PTPRCAP: variants seen among roughly 807,000 people sequenced by gnomAD.
The protein encoded by PTPRCAP is protein tyrosine phosphatase receptor type C-associated protein.
For missense variants in PTPRCAP, 294 were observed against 285.5 expected (o/e 1.03, Z -0.22); for synonymous variants, 136 against 135.8 (o/e 1.00, Z -0.01).
chr11:67,437,486 C>A, intron 1 of PTPRCAP, 131 bp downstream of exon 1: 2 of 1,106,540 alleles, frequency 1.8e-6, no homozygotes, highest in Non-Finnish European at 2.4e-6. Context: ...CAGCCTCTGC[C>A]ATACTCCTCT....
chr11:67,436,862 C>G (rs954635203), intron 1 of PTPRCAP: 1 of 154,046 alleles, frequency 6.5e-6, no homozygotes, highest in African/African-American at 2.4e-5. Flanking sequence ...CCACAATAAG[C>G]TGCTAGGAAA....
chr11:67,435,985 C>G lies in PTPRCAP; in HGVS notation c.369G>C (p.Leu123=), dbSNP rs1339711244. 3.1e-6 allele frequency: 5 copies of G among 1,613,662 alleles called. No individual in the cohort carries two copies. In the African/African-American group the frequency reaches 6.7e-5, roughly 22 times the overall value. ...GCTCGCCTTCCCCAGGGTCAGCCTG[C>G]AGGCCACCATCCGCGACGTGGTCAT... is the stretch of plus-strand genomic sequence containing the variant. ...TDYDHVADGG[L]QADPGEGEQQ... is the part of the protein sequence containing the mutation. Residue 123 remains leucine, a synonymous_variant, in exon 2 of 2, where the codon CTG becomes CTC. Transcript: ENST00000326294.
chr11:67,436,273 G>A lies in PTPRCAP; in HGVS notation c.81C>T (p.Asp27=). The change falls in exon 2 of 2, where the codon GAC becomes GAT. Residue 27 remains aspartate, a synonymous_variant. Coordinates refer to ENST00000326294, the MANE Select transcript of PTPRCAP (RefSeq NM_005608.3). The part of the protein sequence containing the change: ...GALGSGGSAE[D]SVGSSSVTVV... Reference sequence around the variant, plus strand: ...CGGTGACAGAGCTGGAGCCCACGCTGTCCTCCGCGCTGCCACCCGAGCCCA... The same window carrying A: ...CGGTGACAGAGCTGGAGCCCACGCTATCCTCCGCGCTGCCACCCGAGCCCA... The A allele has an allele frequency of 6.5e-7, 1 of 1,542,192 alleles. No homozygotes were observed. Among genetic ancestry groups the A allele is most frequent in the Non-Finnish European group, 8.7e-7 (1 of 1,148,198 alleles).
chr11:67,437,252 C>CAGA, intron 1 of PTPRCAP: 1 of 222,008 alleles, frequency 4.5e-6, no homozygotes, highest in East Asian at 8.8e-5. Context: ...AGTCTGCGGT[C>CAGA]GGAACAGGCT....
intron 1 of PTPRCAP, chr11:67,436,886 G>C (rs1864295437): frequency 6.5e-6 from 1 of 153,404 alleles, no homozygotes; most frequent in Admixed American, 6.5e-5. Flanking sequence ...GGGCTTTTTG[G>C]GTCAAGCATG....
intron 1 of PTPRCAP, chr11:67,436,644 C>T (rs919038817): frequency 1.2e-5 from 4 of 346,002 alleles, no homozygotes; most frequent in African/African-American, 6.4e-5. Flanking sequence ...CACCTCCTCC[C>T]ATCCTCCCCT....
chr11:67,435,989 C>A lies in PTPRCAP; in HGVS notation c.365G>T (p.Gly122Val), dbSNP rs1310207520. ...GCCTTCCCCAGGGTCAGCCTGCAGG[C>A]CACCATCCGCGACGTGGTCATAGTC... Reference protein sequence around the residue: ...DTDYDHVADGGLQADPGEGEQ... With the variant: ...DTDYDHVADGVLQADPGEGEQ... The change falls in exon 2 of 2, where the codon GGC (glycine) becomes GTC (valine). Residue 122 changes from glycine to valine, a missense_variant. Physicochemically the swap from Gly to Val is moderately radical, Grantham distance 109 (BLOSUM62 -3). Transcript: ENST00000326294. 1 of 1,613,768 alleles carries A rather than the reference C, an allele frequency of 6.2e-7. No homozygotes were observed. The highest frequency in any genetic ancestry group is 8.5e-7 in the Non-Finnish European group (1 of 1,179,932).
chr11:67,436,474 C>T (rs1249318025), intron 1 of PTPRCAP, 124 bp from the exon 2 acceptor site: 2 of 1,152,214 alleles, frequency 1.7e-6, no homozygotes, highest in Non-Finnish European at 2.3e-6. Flanking sequence ...GACAGCCAAG[C>T]AGAAAAGGCC....
chr11:67,437,190 C>G (rs1367546362), intron 1 of PTPRCAP: 1 of 162,372 alleles, frequency 6.2e-6, no homozygotes, highest in South Asian at 2.0e-4. Flanking sequence ...CACAGGCGTG[C>G]AGGGCCGGGG....
chr11:67,436,712 C>G (rs1228710345), intron 1 of PTPRCAP: 3 of 247,174 alleles, frequency 1.2e-5, no homozygotes, highest in Admixed American at 5.0e-5. Context: ...GAGGCTGAAC[C>G]TGACCTTAAC....
Position 67,435,613 on chromosome 11 carries a change from G to A in PTPRCAP, c.*120C>T. On this transcript the variant is annotated 3_prime_UTR_variant, in exon 2 of 2. Coordinates refer to ENST00000326294, the MANE Select transcript of PTPRCAP (RefSeq NM_005608.3). ...TACACATGGACTTGGGAACTGGTAG[G>A]GGGTGACAGTCTGAGGCATGGTCAT... is the stretch of plus-strand genomic sequence containing the variant. The A allele has an allele frequency of 7.0e-7, 1 of 1,427,958 alleles. No homozygotes were observed. The allele number at this position is 1,427,958 out of a possible 1,614,324, so 88.5% of individuals were successfully genotyped here. A position where few individuals can be genotyped will look rare whatever the true frequency, so the allele number is the denominator to read the frequency against.
Position 67,435,982 on chromosome 11 carries a change from C to T in PTPRCAP, c.372G>A (p.Gln124=), listed in dbSNP as rs553819262. 7 of 1,613,754 alleles carry T rather than the reference C, an allele frequency of 4.3e-6. No homozygotes were observed. In the African/African-American group the frequency reaches 9.3e-5, roughly 22 times the overall value. The change falls in exon 2 of 2, where the codon CAG becomes CAA. Residue 124 remains glutamine, a synonymous_variant. Transcript: ENST00000326294. ...DYDHVADGGL[Q]ADPGEGEQQC... ...GCTGCTCGCCTTCCCCAGGGTCAGCCTGCAGGCCACCATCCGCGACGTGGT... is the reference window on the plus strand; with the variant it reads ...GCTGCTCGCCTTCCCCAGGGTCAGCTTGCAGGCCACCATCCGCGACGTGGT...
At chr11:67,436,473 G>C in intron 1 of PTPRCAP, 123 bp from the exon 2 acceptor site, 1 of 1,159,888 alleles carries the variant, frequency 8.6e-7, no homozygotes, top group Non-Finnish European at 1.2e-6. Flanking sequence ...GGACAGCCAA[G>C]CAGAAAAGGC....
At chr11:67,437,464 G>C in intron 1 of PTPRCAP, 153 bp downstream of exon 1, 1 of 924,278 alleles carries the variant, frequency 1.1e-6, no homozygotes, top group African/African-American at 1.7e-5. Context: ...CAGCTCAGGT[G>C]AGAGAAAGGT....
intron 1 of PTPRCAP, chr11:67,436,578 A>T (rs1714379466): frequency 2.2e-6 from 1 of 455,146 alleles, no homozygotes; most frequent in Non-Finnish European, 3.8e-6. Context: ...CAACAGCTGC[A>T]TTAAGCCACC....
Position 67,435,675 on chromosome 11 carries a change from G to A in PTPRCAP, c.*58C>T. On this transcript the variant is annotated 3_prime_UTR_variant, in exon 2 of 2. Transcript: ENST00000326294. ...GTCCAGTCCAGCCATGGCATCTTGGGAAGCAGAGGCACGGGGAGTGAGCGG... is the reference window on the plus strand; with the variant it reads ...GTCCAGTCCAGCCATGGCATCTTGGAAAGCAGAGGCACGGGGAGTGAGCGG... The A allele has an allele frequency of 6.7e-7, 1 of 1,494,394 alleles. No individual in the cohort carries two copies. The highest frequency in any genetic ancestry group is 1.3e-5 in the South Asian group (1 of 74,470). The allele number at this position is 1,494,394 out of a possible 1,614,324, so 92.6% of individuals were successfully genotyped here. A position where few individuals can be genotyped will look rare whatever the true frequency, so the allele number is the denominator to read the frequency against.
Position 67,435,582 on chromosome 11 carries a change from G to A in PTPRCAP, c.*151C>T. 4 of 1,208,994 alleles carry A rather than the reference G, an allele frequency of 3.3e-6. No individual in the cohort carries two copies. The highest frequency in any genetic ancestry group is 4.5e-6 in the Non-Finnish European group (4 of 890,412). 74.9% of individuals were successfully genotyped at this position (1,208,994 alleles called of 1,614,324 possible). A position where few individuals can be genotyped will look rare whatever the true frequency, so the allele number is the denominator to read the frequency against. Reference sequence around the variant, plus strand: ...TTGGGGGGGGCCGTTCCCGTGGTGAGCGGGGTACACATGGACTTGGGAACT... The same window carrying A: ...TTGGGGGGGGCCGTTCCCGTGGTGAACGGGGTACACATGGACTTGGGAACT... On this transcript the variant is annotated 3_prime_UTR_variant, in exon 2 of 2. Transcript: ENST00000326294.
Position 67,436,187 on chromosome 11 carries a change from C to A in PTPRCAP, c.167G>T (p.Arg56Leu). The change falls in exon 2 of 2, where the codon CGC becomes CTC. Residue 56 changes from arginine to leucine, a missense_variant. Arg to Leu is a moderately radical substitution (Grantham distance 102, BLOSUM62 -2). Coordinates refer to ENST00000326294, the MANE Select transcript of PTPRCAP (RefSeq NM_005608.3). ...GTAGCCCCCTGAGTCACGGCTGAGG[C>A]GGCGCCAGGCCAGTGCTAGGCCAGT... ...LATGLALAWR[R>L]LSRDSGGYYH... The A allele has an allele frequency of 6.4e-7, 1 of 1,553,890 alleles. No individual in the cohort carries two copies. The highest frequency in any genetic ancestry group is 8.7e-7 in the Non-Finnish European group (1 of 1,150,654).
At position 67,437,598 on chromosome 11, in the gene PTPRCAP, G is replaced by C. The variant is rs760363164; in HGVS notation, c.3+19C>G. The C allele has an allele frequency of 1.9e-5, 26 of 1,351,094 alleles. No individual in the cohort carries two copies. The highest frequency in any genetic ancestry group is 2.8e-5 in the East Asian group (1 of 36,102). The allele number at this position is 1,351,094 out of a possible 1,614,324, so 83.7% of individuals were successfully genotyped here. A position where few individuals can be genotyped will look rare whatever the true frequency, so the allele number is the denominator to read the frequency against. On this transcript the variant is annotated intron_variant, in intron 1 of 1. Transcript: ENST00000326294. ...CCTGTGGCCCCCATCCCAAGAACCC[G>C]GGGGGCTCCGAGGCTTACCATTGGT...
Sources: allele counts gnomAD v4.1 joint callset, GRCh38; gene constraint gnomAD v4.1.1; transcripts MANE v1.5; gene names NCBI Gene and HGNC (gene_info 2026-07-23, HGNC 2026-07-21).